Variants in DLGAP1 observed in about 807,000 individuals in gnomAD.
DLGAP1 encodes disks large-associated protein 1.
A neutral mutation model predicts 90.8 loss-of-function variants in DLGAP1; 11 were observed. The observed-to-expected ratio is 0.12, with a 90% confidence interval of 0.08 to 0.20. The LOEUF is 0.20. Ranked by LOEUF, DLGAP1 falls within the 10% of genes least tolerant of loss-of-function variation. DLGAP1 has a pLI of 1.00. For missense variants in DLGAP1, 1,050 were observed against 1,333.8 expected (o/e 0.79, Z 3.31); for synonymous variants, 558 against 540.7 (o/e 1.03, Z -0.44).
At chr18:3,710,590 C>T (rs944232711) in intron 7 of DLGAP1, among the ~76,000 whole-genome samples, 3 of 152,204 alleles carry the variant, frequency 2.0e-5, no homozygotes, top group African/African-American at 7.2e-5. Context: ...AAAGCATTCA[C>T]TATAGATGTC....
intron 1 of DLGAP1, among the ~76,000 whole-genome samples, chr18:4,421,199 T>C (rs758333382): frequency 2.0e-5 from 3 of 152,150 alleles, no homozygotes; most frequent in Non-Finnish European, 2.9e-5. Context: ...GAGAATCCTT[T>C]CCTTGCCTTT....
chr18:4,210,507 C>T (rs772994760), intron 1 of DLGAP1, among the ~76,000 whole-genome samples: 5 of 152,112 alleles, frequency 3.3e-5, no homozygotes, highest in East Asian at 1.9e-4. Flanking sequence ...AAGGAAAAGA[C>T]GATTCCAGTG....
intron 9 of DLGAP1, among the ~76,000 whole-genome samples, chr18:3,535,797 C>T (rs1013357172): frequency 1.3e-5 from 2 of 151,098 alleles, no homozygotes; most frequent in South Asian, 2.1e-4. Flanking sequence ...TTTGGGAGGC[C>T]GAGGCGGGCA....
rs1291989149 is a variant in DLGAP1 at position 4,305,373 on chromosome 18, A to C, written c.-267+149633T>G. Among the ~76,000 whole-genome samples, 3 of 152,134 alleles carry C rather than the reference A, an allele frequency of 2.0e-5. No individual in the cohort carries two copies. The East Asian group carries it at 5.8e-4, about 30-fold the overall frequency. ...AACGTGGTGAAACCCTGTCTCTACT[A>C]AAAATACAAAATTAGCTGGGTGTGG... On this transcript the variant is annotated intron_variant, in intron 1 of 12. Transcript: ENST00000315677.
chr18:3,764,710 G>C (rs532020692), intron 5 of DLGAP1, among the ~76,000 whole-genome samples: 2 of 152,324 alleles, frequency 1.3e-5, no homozygotes, highest in South Asian at 4.1e-4. Context: ...GGGAAAGTGA[G>C]ATGACATTTA....
At chr18:4,183,380 T>C (rs1385674039) in intron 1 of DLGAP1, among the ~76,000 whole-genome samples, 3 of 152,122 alleles carry the variant, frequency 2.0e-5, no homozygotes, top group Non-Finnish European at 2.9e-5. Flanking sequence ...CAGGATTTCA[T>C]AGATTACATG....
chr18:4,374,117 G>A (rs1455445304), intron 1 of DLGAP1, among the ~76,000 whole-genome samples: 1 of 152,138 alleles, frequency 6.6e-6, no homozygotes, highest in Non-Finnish European at 1.5e-5. Flanking sequence ...TTACTTGTCT[G>A]TAAAACTAAA....
chr18:3,902,882 C>T (rs1443832018), intron 3 of DLGAP1, among the ~76,000 whole-genome samples: 2 of 151,898 alleles, frequency 1.3e-5, no homozygotes, highest in Non-Finnish European at 2.9e-5. Context: ...AGTGGGAAGC[C>T]CTCAGAATCC....
chr18:3,851,829 AAAG>A (rs1220195949), intron 4 of DLGAP1, among the ~76,000 whole-genome samples: 5 of 152,244 alleles, frequency 3.3e-5, no homozygotes, highest in African/African-American at 1.2e-4. Context: ...TATAGCTATA[AAAG>A]AAGATCACAA....
At chr18:3,897,657 A>G (rs1232903871) in intron 3 of DLGAP1, among the ~76,000 whole-genome samples, 1 of 152,204 alleles carries the variant, frequency 6.6e-6, no homozygotes, top group African/African-American at 2.4e-5. Flanking sequence ...GGAGGCACTG[A>G]AAGTTTTACA....
intron 1 of DLGAP1, among the ~76,000 whole-genome samples, chr18:4,453,755 C>A (rs1434040891): frequency 6.6e-6 from 1 of 152,142 alleles, no homozygotes; most frequent in Admixed American, 6.5e-5. Flanking sequence ...TGTCTTTCCT[C>A]GTAATTCCCT....
intron 7 of DLGAP1, among the ~76,000 whole-genome samples, chr18:3,666,511 C>A (rs906028120): frequency 6.6e-6 from 1 of 152,172 alleles, no homozygotes; most frequent in Non-Finnish European, 1.5e-5. Context: ...GAACACCTAC[C>A]AATCCGAGGA....
intron 2 of DLGAP1, among the ~76,000 whole-genome samples, chr18:4,040,631 T>A (rs958525976): frequency 3.3e-5 from 5 of 152,248 alleles, no homozygotes; most frequent in African/African-American, 1.2e-4. Flanking sequence ...TTAAAAAATT[T>A]GAGTGAGGAC....
chr18:4,426,163 T>C (rs778649729), intron 1 of DLGAP1, among the ~76,000 whole-genome samples: 12 of 152,320 alleles, frequency 7.9e-5, no homozygotes, highest in Admixed American at 2.6e-4. Flanking sequence ...GTTTCAGCGT[T>C]CAGACATTCC....
intron 1 of DLGAP1, among the ~76,000 whole-genome samples, chr18:4,288,407 G>T (rs567613695): frequency 6.6e-6 from 1 of 152,274 alleles, no homozygotes; most frequent in African/African-American, 2.4e-5. Context: ...AAAGCCAGAA[G>T]CAAGAGAATT....
intron 7 of DLGAP1, among the ~76,000 whole-genome samples, chr18:3,633,025 A>G (rs1467639619): frequency 6.6e-6 from 1 of 152,136 alleles, no homozygotes; most frequent in African/African-American, 2.4e-5. Context: ...GGTTTATGGG[A>G]TAGAATTTTC....
intron 4 of DLGAP1, among the ~76,000 whole-genome samples, chr18:3,844,288 G>A (rs1211751214): frequency 5.3e-5 from 8 of 152,158 alleles, no homozygotes; most frequent in East Asian, 1.9e-4. Context: ...CAGCAAGCCC[G>A]AATGTCTGAA....
intron 7 of DLGAP1, among the ~76,000 whole-genome samples, chr18:3,686,392 C>G (rs2060704420): frequency 6.6e-6 from 1 of 151,976 alleles, no homozygotes; most frequent in Admixed American, 6.6e-5. Flanking sequence ...AGAACTGTAG[C>G]AAAGCACACT....
intron 1 of DLGAP1, among the ~76,000 whole-genome samples, chr18:4,243,551 C>T (rs1296122991): frequency 6.6e-6 from 1 of 152,178 alleles, no homozygotes; most frequent in African/African-American, 2.4e-5. Context: ...CTTTATAGTA[C>T]ATGTGTTAGA....
Sources: allele counts gnomAD v4.1 joint callset (sites outside exome capture counted in the v4.1 genomes callset), GRCh38; gene constraint gnomAD v4.1.1; transcripts MANE v1.5; gene names NCBI Gene and HGNC (gene_info 2026-07-23, HGNC 2026-07-21).